The following SORT1 variants were observed in gnomAD, a reference collection of about 807,000 sequenced individuals.
SORT1 encodes sortilin 1, also known as sortilin.
Under a neutral mutation model 101.7 loss-of-function variants are expected in SORT1, and 39 were observed. The observed-to-expected ratio is 0.38, with a 90% CI of 0.30 to 0.50. The LOEUF (loss-of-function observed/expected upper bound fraction) is 0.50, where lower values mean the gene tolerates loss of function less well. Ranked by LOEUF, SORT1 falls within the 20% of genes least tolerant of loss-of-function variation. SORT1 has a pLI of 0.90. For synonymous variants in SORT1, 396 were observed against 393.7 expected (o/e 1.01, Z -0.07); for missense variants, 878 against 1,040.4 (o/e 0.84, Z 2.15).
At chr1:109,393,442 C>T (rs1653026391) in intron 1 of SORT1, 1 of 317,394 alleles carries the variant, frequency 3.2e-6, no homozygotes, top group Non-Finnish European at 4.6e-6. Flanking sequence ...ACAACTCTGG[C>T]CAAGGCATTT....
At chr1:109,379,099 C>T (rs193004331) in intron 1 of SORT1, among the ~76,000 whole-genome samples, 6 of 151,444 alleles carry the variant, frequency 4.0e-5, no homozygotes, top group African/African-American at 7.3e-5. Context: ...GCCGAGACTG[C>T]GCCACTGCAC....
At position 109,313,926 on chromosome 1, in the gene SORT1, C is replaced by G. The variant is rs1241210057; in HGVS notation, c.*117G>C. 20 of 966,542 alleles carry G rather than the reference C, an allele frequency of 2.1e-5. 1 individual carries two copies. The highest frequency in any genetic ancestry group is 5.0e-5 in the East Asian group (2 of 40,254). 59.9% of individuals were successfully genotyped at this position (966,542 alleles called of 1,614,324 possible). A position where few individuals can be genotyped will look rare whatever the true frequency, so the allele number is the denominator to read the frequency against. ...GTCCTTTTGGCTTTGATGGAAGCAG[C>G]AGAAACAGAGCTGGGTCCCTCGCAA... On this transcript the variant is annotated 3_prime_UTR_variant, in exon 20 of 20. Transcript: ENST00000256637.
chr1:109,323,364 C>T (rs144077475), intron 14 of SORT1, among the ~76,000 whole-genome samples: 215 of 152,344 alleles, frequency 1.4e-3, no homozygotes, highest in African/African-American at 5.1e-3. Flanking sequence ...AGGAAAAACC[C>T]TATTTGTTTT....
At chr1:109,393,813 C>T (rs1653041354) in intron 1 of SORT1, among the ~76,000 whole-genome samples, 2 of 151,832 alleles carry the variant, frequency 1.3e-5, no homozygotes, top group Non-Finnish European at 2.9e-5. Flanking sequence ...GTAATACATA[C>T]TATAACTCAT....
chr1:109,390,790 TGTGTGTGTGC>T (rs1348015401), intron 1 of SORT1, among the ~76,000 whole-genome samples: 8 of 142,520 alleles, frequency 5.6e-5, no homozygotes, highest in Non-Finnish European at 1.1e-4. Context: ...TGTGTGTGTG[TGTGTGTGTGC>T]GCGCGCGCGT....
At chr1:109,373,291 T>C (rs891919124) in intron 1 of SORT1, among the ~76,000 whole-genome samples, 10 of 152,008 alleles carry the variant, frequency 6.6e-5, no homozygotes, top group Admixed American at 6.6e-5. Context: ...GAAGCTGATA[T>C]ATCGTCTGGG....
chr1:109,345,681 A>T lies in SORT1; in HGVS notation c.963+70T>A, dbSNP rs1040232270. On this transcript the variant is annotated intron_variant, in intron 8 of 19. Transcript: ENST00000256637. ...ACAAGAAACTCTGTCAATGCCAAGT[A>T]ATAAAGAGAATCTATACGAGAGATA... 133 of 1,404,350 alleles carry T rather than the reference A, an allele frequency of 9.5e-5. 1 individual carries two copies. The highest frequency in any genetic ancestry group is 1.2e-4 in the Non-Finnish European group (126 of 1,020,934). 87.0% of individuals were successfully genotyped at this position (1,404,350 alleles called of 1,614,324 possible).
intron 13 of SORT1, 144 bp from the exon 14 acceptor site, chr1:109,325,233 T>C (rs1271684309): frequency 6.2e-5 from 3 of 48,086 alleles, no homozygotes; most frequent in East Asian, 6.7e-4. Context: ...TATTTTAACT[T>C]TTTTTTTTTT....
intron 2 of SORT1, chr1:109,368,924 C>T (rs1219231250): frequency 6.5e-6 from 1 of 153,102 alleles, no homozygotes; most frequent in East Asian, 1.9e-4. Context: ...CTTCCCTTCT[C>T]AGTACAGAGC....
rs60568166 is a variant in SORT1, at chr1:109,380,813, CAAAAAAAAA to C, written c.307-11233_307-11225del. Among the ~76,000 whole-genome samples, 34 of 49,224 alleles carry C rather than the reference CAAAAAAAAA, an allele frequency of 6.9e-4. No individual in the cohort carries two copies. In the Admixed American group the frequency reaches 8.7e-3, roughly 13 times the overall value. The allele number at this position is 49,224 out of a possible 152,430, so 32.3% of individuals were successfully genotyped here. On this transcript the variant is annotated intron_variant, in intron 1 of 19. Coordinates refer to ENST00000256637, the MANE Select transcript of SORT1 (RefSeq NM_002959.7). ...GCAACATGGCAAAACCCTGTCGCCA[CAAAAAAAAA>C]AAAAAAAAAAAAAAAAAAAATTAGC... is the stretch of plus-strand genomic sequence containing the variant.
At position 109,314,748 on chromosome 1, in the gene SORT1, G is replaced by A; in HGVS notation, c.2281C>T (p.Leu761=). The A allele has an allele frequency of 6.2e-7, 1 of 1,609,894 alleles. No individual in the cohort carries two copies. Among genetic ancestry groups the A allele is most frequent in the Non-Finnish European group, 8.5e-7 (1 of 1,176,310 alleles). The change falls in exon 18 of 20, where the codon CTG becomes TTG. Residue 761 remains leucine, a synonymous_variant. Transcript: ENST00000256637. The part of the protein sequence containing the change: ...NSKSNSVPII[L]AIVGLMLVTV... ...ACCAGCATCAATCCCACGATGGCCA[G>A]GATAATTGGAACAGAATTTGACTTG...
intron 1 of SORT1, among the ~76,000 whole-genome samples, chr1:109,385,316 C>A (rs1193874770): frequency 6.6e-6 from 1 of 152,118 alleles, no homozygotes; most frequent in Non-Finnish European, 1.5e-5. Flanking sequence ...TTATTCTCTT[C>A]TTAGTGACCT....
intron 8 of SORT1, among the ~76,000 whole-genome samples, chr1:109,344,060 C>A (rs764073108): frequency 8.5e-5 from 13 of 152,146 alleles, no homozygotes; most frequent in African/African-American, 3.1e-4. Flanking sequence ...CTTAAAGGTA[C>A]CCTTGATTCC....
In SORT1 at chr1:109,323,026, G is replaced by A. The variant is rs1260206199; in HGVS notation, c.1930C>T (p.Arg644Trp). The part of the protein sequence containing the change: ...CILGYKEQFL[R>W]LRKSSVCQNG... The stretch of plus-strand genomic sequence containing the variant: ...TGACACACGGATGACTTGCGTAGCC[G>A]CAGAAACTGTTCTTTGTAGCCCAAA... Residue 644 changes from arginine (R) to tryptophan (W), a missense_variant, in exon 15 of 20, where the codon CGG (arginine) becomes TGG (tryptophan). Arg to Trp is a moderately radical substitution (Grantham distance 101). Coordinates refer to ENST00000256637, the MANE Select transcript of SORT1 (RefSeq NM_002959.7). 2.5e-6 allele frequency: 4 copies of A among 1,614,088 alleles called. No homozygotes were observed. Among genetic ancestry groups the A allele is most frequent in the East Asian group, 2.2e-5 (1 of 44,886 alleles).
At chr1:109,395,208 C>CTTTT (rs71069681) in intron 1 of SORT1, among the ~76,000 whole-genome samples, 2 of 42,600 alleles carry the variant, frequency 4.7e-5, no homozygotes, top group African/African-American at 9.2e-5. Flanking sequence ...AACGCAAAAA[C>CTTTT]TTTTTTTTTT....
chr1:109,329,118 G>A (rs2101556505), intron 11 of SORT1, among the ~76,000 whole-genome samples: 1 of 152,312 alleles, frequency 6.6e-6, no homozygotes, highest in Admixed American at 6.5e-5. Flanking sequence ...CTCTGGATGA[G>A]CTACCTGGTA....
chr1:109,367,505 G>T (rs552827731), intron 2 of SORT1, 24 bp from the exon 3 acceptor site: 3 of 1,445,966 alleles, frequency 2.1e-6, no homozygotes, highest in Admixed American at 1.8e-5. Flanking sequence ...AAAGCATTCC[G>T]TAAATAAAAA....
chr1:109,359,416 C>T (rs1650566491), intron 3 of SORT1, among the ~76,000 whole-genome samples: 1 of 152,132 alleles, frequency 6.6e-6, no homozygotes, highest in Non-Finnish European at 1.5e-5. Flanking sequence ...CCACCCTGCC[C>T]CTCCACTCCA....
chr1:109,348,043 T>C (rs1649714542), intron 6 of SORT1, among the ~76,000 whole-genome samples: 1 of 152,244 alleles, frequency 6.6e-6, no homozygotes, highest in Admixed American at 6.5e-5. Context: ...ACTTGCATAG[T>C]ATATGCCTTA....
Sources: allele counts gnomAD v4.1 joint callset (sites outside exome capture counted in the v4.1 genomes callset), GRCh38; gene constraint gnomAD v4.1.1; transcripts MANE v1.5; gene names NCBI Gene and HGNC (gene_info 2026-07-23, HGNC 2026-07-21).